Variants in MARVELD1 observed in about 807,000 individuals in gnomAD.
MARVELD1 encodes the protein MARVEL domain-containing protein 1.
In MARVELD1, 7 loss-of-function variants were observed where a neutral mutation model predicts 11.3. That is an observed-to-expected ratio of 0.62 (90% CI 0.35 to 1.16). The LOEUF (loss-of-function observed/expected upper bound fraction) is 1.16. Ranked by LOEUF, MARVELD1 falls within the 50% of genes most tolerant of loss-of-function variation. MARVELD1 has a pLI of 0.02. For synonymous variants in MARVELD1, 119 were observed against 121.4 expected, an observed-to-expected ratio of 0.98 and a Z score of 0.13; for missense variants, 216 against 243.8, an observed-to-expected ratio of 0.89 and a Z score of 0.76.
In MARVELD1 at chr10:97,714,191, G is replaced by A. The variant is rs754167209; in HGVS notation, c.315G>A (p.Ala105=). The A allele has an allele frequency of 2.0e-5, 31 of 1,536,324 alleles. No homozygotes were observed. Among genetic ancestry groups the A allele is most frequent in the Middle Eastern group, 1.7e-4 (1 of 6,002 alleles). Residue 105 remains alanine (A), a synonymous_variant, in exon 1 of 2, where the codon GCG becomes GCA. Coordinates refer to ENST00000285605, the MANE Select transcript of MARVELD1 (RefSeq NM_031484.4). The surrounding 1 kb of genome is among the most constrained non-coding windows in gnomAD (Gnocchi z 7.4). ...LMVNVAHDVL[A]AALYGAATGI... is the part of the protein sequence containing the mutation. ...TCAACGTGGCGCACGATGTGCTGGC[G>A]GCCGCGCTCTACGGCGCCGCCACCG...
chr10:97,714,214 C>T lies in MARVELD1; in HGVS notation c.338C>T (p.Thr113Ile). Residue 113 changes from threonine to isoleucine, a missense_variant, in exon 1 of 2, where the codon ACC becomes ATC. Coordinates refer to ENST00000285605, the MANE Select transcript of MARVELD1 (RefSeq NM_031484.4). The surrounding 1 kb of genome is among the most constrained non-coding windows in gnomAD (Gnocchi z 7.4). Reference protein sequence around the residue: ...VLAAALYGAATGIMSDQMQRH... With the variant: ...VLAAALYGAAIGIMSDQMQRH... ...GCGGCCGCGCTCTACGGCGCCGCCA[C>T]CGGCATCATGAGCGACCAGATGCAG... is the stretch of plus-strand genomic sequence containing the variant. 6.5e-7 allele frequency: 1 copy of T among 1,536,862 alleles called. No individual in the cohort carries two copies.
chr10:97,714,976 G>A lies in MARVELD1; in HGVS notation c.*578G>A, dbSNP rs955136817. 11 of 152,690 alleles carry A rather than the reference G, an allele frequency of 7.2e-5. No homozygotes were observed. Among genetic ancestry groups the A allele is most frequent in the African/African-American group, 2.2e-4 (9 of 41,470 alleles). 9.5% of individuals were successfully genotyped at this position (152,690 alleles called of 1,614,324 possible). A position where few individuals can be genotyped will look rare whatever the true frequency, so the allele number is the denominator to read the frequency against. ...TTTGGTTTTAGCTGGGGATTGTGCT[G>A]GCATCCTGCGAAGCTCCTCCCAGCC... is the stretch of plus-strand genomic sequence containing the variant. On this transcript the variant is annotated 3_prime_UTR_variant, in exon 1 of 2. Transcript: ENST00000285605. The surrounding 1 kb of genome is among the most constrained non-coding windows in gnomAD (Gnocchi z 7.4).
chr10:97,714,068 G>A lies in MARVELD1; in HGVS notation c.192G>A (p.Val64=), dbSNP rs1424587902. ...YQGPVHFALF[V]SVLFWLLTLG... is the part of the protein sequence containing the mutation. ...GCCCCGTGCACTTCGCGCTCTTCGT[G>A]TCCGTGCTCTTCTGGCTGCTCACCC... Residue 64 remains valine (V), a synonymous_variant, in exon 1 of 2, where the codon GTG becomes GTA. Coordinates refer to ENST00000285605, the MANE Select transcript of MARVELD1 (RefSeq NM_031484.4). This position sits in a 1 kb window ranked among gnomAD's most constrained non-coding sequence, Gnocchi z 7.4. 2.0e-6 allele frequency: 3 copies of A among 1,536,894 alleles called. No individual in the cohort carries two copies. Among genetic ancestry groups the A allele is most frequent in the East Asian group, 4.9e-5 (2 of 40,868 alleles).
rs2041904857 is a variant in MARVELD1, at chr10:97,715,393, T to C, written c.*995T>C. The C allele has an allele frequency of 6.6e-6, 1 of 152,156 alleles. No individual in the cohort carries two copies. The highest frequency in any genetic ancestry group is 2.1e-4 in the South Asian group (1 of 4,814). 9.4% of individuals were successfully genotyped at this position (152,156 alleles called of 1,614,324 possible). A position where few individuals can be genotyped will look rare whatever the true frequency, so the allele number is the denominator to read the frequency against. ...ACCCAGACTTGCAGTCCAGCGCTGT[T>C]TGCATTAAAAGGGTGGGTGAGTCAG... On this transcript the variant is annotated 3_prime_UTR_variant, in exon 1 of 2. Transcript: ENST00000285605.
rs888235119 is a variant in MARVELD1 at position 97,714,028 on chromosome 10, C to T, written c.152C>T (p.Thr51Ile). The T allele has an allele frequency of 4.6e-6, 7 of 1,536,530 alleles. No individual in the cohort carries two copies. In the African/African-American group the frequency reaches 8.2e-5, roughly 18 times the overall value. ...GCTGCCTTCTGGATCACTATCGCCA[C>T]CAGCAAGTACCAGGGCCCCGTGCAC... The part of the protein sequence containing the change: ...AGAAFWITIA[T>I]SKYQGPVHFA... The change falls in exon 1 of 2, where the codon ACC becomes ATC. Residue 51 changes from threonine to isoleucine, a missense_variant. Thr to Ile is a moderately conservative substitution (Grantham distance 89). Coordinates refer to ENST00000285605, the MANE Select transcript of MARVELD1 (RefSeq NM_031484.4). This position sits in a 1 kb window ranked among gnomAD's most constrained non-coding sequence, Gnocchi z 7.4.
Position 97,715,889 on chromosome 10 carries a change from C to T in MARVELD1, c.*1491C>T, listed in dbSNP as rs537377179. 1.3e-5 allele frequency: 2 copies of T among 152,346 alleles called. No homozygotes were observed. Among genetic ancestry groups the T allele is most frequent in the African/African-American group, 4.8e-5 (2 of 41,558 alleles). The allele number at this position is 152,346 out of a possible 1,614,324, so 9.4% of individuals were successfully genotyped here. Reference sequence around the variant, plus strand: ...AAGGAAAGTCACCTGCAAGAGATCCCGGCACTGATCTGGAGCAGCTGACAG... The same window carrying T: ...AAGGAAAGTCACCTGCAAGAGATCCTGGCACTGATCTGGAGCAGCTGACAG... On this transcript the variant is annotated 3_prime_UTR_variant, in exon 1 of 2. Coordinates refer to ENST00000285605, the MANE Select transcript of MARVELD1 (RefSeq NM_031484.4).
At position 97,714,359 on chromosome 10, in the gene MARVELD1, C is replaced by T. The variant is rs1313437770; in HGVS notation, c.483C>T (p.Gly161=). The change falls in exon 1 of 2, where the codon GGC becomes GGT. Residue 161 remains glycine, a synonymous_variant. Coordinates refer to ENST00000285605, the MANE Select transcript of MARVELD1 (RefSeq NM_031484.4). The surrounding 1 kb of genome is among the most constrained non-coding windows in gnomAD (Gnocchi z 7.4). ...TCTACCTGCTTTCGGCGCTCTATGG[C>T]TGCGGGCGTCGCTGCCAGGGCAAGC... is the stretch of plus-strand genomic sequence containing the variant. ...HGLYLLSALY[G]CGRRCQGKQE... The T allele has an allele frequency of 1.3e-6, 2 of 1,531,208 alleles. No homozygotes were observed. The highest frequency in any genetic ancestry group is 1.7e-6 in the Non-Finnish European group (2 of 1,144,964). 94.9% of individuals were successfully genotyped at this position (1,531,208 alleles called of 1,614,324 possible). A position where few individuals can be genotyped will look rare whatever the true frequency, so the allele number is the denominator to read the frequency against.
rs1433436388 is a variant in MARVELD1, at chr10:97,714,333, C to G, written c.457C>G (p.Leu153Val). The G allele has an allele frequency of 1.3e-5, 20 of 1,535,582 alleles. No individual in the cohort carries two copies. The highest frequency in any genetic ancestry group is 1.5e-5 in the Non-Finnish European group (17 of 1,146,584). The change falls in exon 1 of 2, where the codon CTC becomes GTC. Residue 153 changes from leucine to valine, a missense_variant. Physicochemically the swap from Leu to Val is conservative, Grantham distance 32. Coordinates refer to ENST00000285605, the MANE Select transcript of MARVELD1 (RefSeq NM_031484.4). This position sits in a 1 kb window ranked among gnomAD's most constrained non-coding sequence, Gnocchi z 7.4. ...AAVCGGVCHG[L>V]YLLSALYGCG... ...CGTCTGCGGCGGCGTCTGCCACGGC[C>G]TCTACCTGCTTTCGGCGCTCTATGG... is the stretch of plus-strand genomic sequence containing the variant.
In MARVELD1 at chr10:97,713,973, G is replaced by T. The variant is rs978705092; in HGVS notation, c.97G>T (p.Val33Leu). Residue 33 changes from valine (V) to leucine (L), a missense_variant, in exon 1 of 2, where the codon GTG becomes TTG. Transcript: ENST00000285605. The surrounding 1 kb of genome is among the most constrained non-coding windows in gnomAD (Gnocchi z 5.7). ...GCCCTTCCTGCGCAGCCCGCTGGGC[G>T]TGTTGCGGCTGCTGCAGCTGCTGGC... The part of the protein sequence containing the change: ...QRPFLRSPLG[V>L]LRLLQLLAGA... 3 of 1,534,304 alleles carry T rather than the reference G, an allele frequency of 2.0e-6. No homozygotes were observed. Among genetic ancestry groups the T allele is most frequent in the South Asian group, 1.2e-5 (1 of 83,916 alleles).
Position 97,714,215 on chromosome 10 carries a change from C to A in MARVELD1, c.339C>A (p.Thr113=), listed in dbSNP as rs999515553. 8 of 1,536,784 alleles carry A rather than the reference C, an allele frequency of 5.2e-6. No individual in the cohort carries two copies. Among genetic ancestry groups the A allele is most frequent in the Non-Finnish European group, 6.1e-6 (7 of 1,146,670 alleles). The change falls in exon 1 of 2, where the codon ACC becomes ACA. Residue 113 remains threonine, a synonymous_variant. Transcript: ENST00000285605. The surrounding 1 kb of genome is among the most constrained non-coding windows in gnomAD (Gnocchi z 7.4). Reference sequence around the variant, plus strand: ...CGGCCGCGCTCTACGGCGCCGCCACCGGCATCATGAGCGACCAGATGCAGC... The same window carrying A: ...CGGCCGCGCTCTACGGCGCCGCCACAGGCATCATGAGCGACCAGATGCAGC... ...VLAAALYGAA[T]GIMSDQMQRH...
At chr10:97,716,309 C>T (rs568975705) in intron 1 of MARVELD1, among the ~76,000 whole-genome samples, 35 of 152,192 alleles carry the variant, frequency 2.3e-4, no homozygotes, top group South Asian at 4.2e-4. Context: ...CTCAGCCTCC[C>T]GGGTAGCTGG....
At position 97,714,458 on chromosome 10, in the gene MARVELD1, C is replaced by G; in HGVS notation, c.*60C>G. 7.9e-7 allele frequency: 1 copy of G among 1,272,714 alleles called. No homozygotes were observed. Among genetic ancestry groups the G allele is most frequent in the Non-Finnish European group, 1.0e-6 (1 of 958,400 alleles). The allele number at this position is 1,272,714 out of a possible 1,614,324, so 78.8% of individuals were successfully genotyped here. A position where few individuals can be genotyped will look rare whatever the true frequency, so the allele number is the denominator to read the frequency against. On this transcript the variant is annotated 3_prime_UTR_variant, in exon 1 of 2. Transcript: ENST00000285605. This position sits in a 1 kb window ranked among gnomAD's most constrained non-coding sequence, Gnocchi z 7.4. ...GGGGGAATCCCCGGAGACCAGCCTC[C>G]TTAATCCCTTCCCCCGCCGCCGCCC... is the stretch of plus-strand genomic sequence containing the variant.
rs1012639452 is a variant in MARVELD1, at chr10:97,713,866, G to C, written c.-11G>C. 7.8e-6 allele frequency: 5 copies of C among 642,648 alleles called. No homozygotes were observed. Among genetic ancestry groups the C allele is most frequent in the Admixed American group, 6.5e-5 (1 of 15,382 alleles). 39.8% of individuals were successfully genotyped at this position (642,648 alleles called of 1,614,324 possible). On this transcript the variant is annotated 5_prime_UTR_variant, in exon 1 of 2. Coordinates refer to ENST00000285605, the MANE Select transcript of MARVELD1 (RefSeq NM_031484.4). This position sits in a 1 kb window ranked among gnomAD's most constrained non-coding sequence, Gnocchi z 5.7. ...GGGGCGCCGCCGCCGCCGCCACCGCGCCCAGGGGCCATGCTCCCGCCGCCC... is the reference window on the plus strand; with the variant it reads ...GGGGCGCCGCCGCCGCCGCCACCGCCCCCAGGGGCCATGCTCCCGCCGCCC...
rs758362024 is a variant in MARVELD1, at chr10:97,714,294, T to C, written c.418T>C (p.Phe140Leu). 1 of 1,536,332 alleles carries C rather than the reference T, an allele frequency of 6.5e-7. No individual in the cohort carries two copies. The highest frequency in any genetic ancestry group is 1.2e-5 in the South Asian group (1 of 84,054). ...DYPLPCAYHAFLAAAVCGGVC... is the reference protein window; with the variant it reads ...DYPLPCAYHALLAAAVCGGVC... ...CCCGCTCCCCTGCGCCTACCACGCC[T>C]TCCTGGCGGCCGCCGTCTGCGGCGG... Residue 140 changes from phenylalanine to leucine, a missense_variant, in exon 1 of 2, where the codon TTC (phenylalanine) becomes CTC (leucine). Phe to Leu is a conservative substitution (Grantham distance 22, BLOSUM62 0). Transcript: ENST00000285605. The surrounding 1 kb of genome is among the most constrained non-coding windows in gnomAD (Gnocchi z 7.4).
At position 97,717,715 on chromosome 10, in the gene MARVELD1, A is replaced by T. The variant is rs2041921209; in HGVS notation, c.*2109A>T. 1 of 152,270 alleles carries T rather than the reference A, an allele frequency of 6.6e-6. No individual in the cohort carries two copies. Among genetic ancestry groups the T allele is most frequent in the Non-Finnish European group, 1.5e-5 (1 of 68,096 alleles). The allele number at this position is 152,270 out of a possible 1,614,324, so 9.4% of individuals were successfully genotyped here. A position where few individuals can be genotyped will look rare whatever the true frequency, so the allele number is the denominator to read the frequency against. ...GCCTCATCCATCCACACGTGCCTGT[A>T]GCATTCCAGAGCTCACTGCCCTTCT... On this transcript the variant is annotated 3_prime_UTR_variant, in exon 2 of 2. Coordinates refer to ENST00000285605, the MANE Select transcript of MARVELD1 (RefSeq NM_031484.4).
intron 1 of MARVELD1, among the ~76,000 whole-genome samples, chr10:97,716,356 T>A (rs2041912352): frequency 6.6e-6 from 1 of 152,020 alleles, no homozygotes; most frequent in African/African-American, 2.4e-5. Context: ...GGCTAGTTTT[T>A]AAATTTTTGT....
rs1188845642 is a variant in MARVELD1, at chr10:97,713,902, C to A, written c.26C>A (p.Pro9Gln). The A allele has an allele frequency of 1.9e-6, 2 of 1,058,696 alleles. No individual in the cohort carries two copies. Among genetic ancestry groups the A allele is most frequent in the Non-Finnish European group, 2.3e-6 (2 of 870,482 alleles). The allele number at this position is 1,058,696 out of a possible 1,614,324, so 65.6% of individuals were successfully genotyped here. A position where few individuals can be genotyped will look rare whatever the true frequency, so the allele number is the denominator to read the frequency against. MLPPPPRQ[P>Q]PPQARAARGA... Reference sequence around the variant, plus strand: ...ATGCTCCCGCCGCCCCCGCGCCAGCCGCCGCCCCAGGCGCGTGCGGCCCGC... The same window carrying A: ...ATGCTCCCGCCGCCCCCGCGCCAGCAGCCGCCCCAGGCGCGTGCGGCCCGC... The change falls in exon 1 of 2, where the codon CCG (proline) becomes CAG (glutamine). Residue 9 changes from proline (P) to glutamine (Q), a missense_variant. Pro to Gln is a moderately conservative substitution (Grantham distance 76). Transcript: ENST00000285605. The surrounding 1 kb of genome is among the most constrained non-coding windows in gnomAD (Gnocchi z 5.7).
chr10:97,713,813 C>A lies in MARVELD1; in HGVS notation c.-64C>A, dbSNP rs1235733482. 1 of 234,386 alleles carries A rather than the reference C, an allele frequency of 4.3e-6. No homozygotes were observed. The highest frequency in any genetic ancestry group is 6.9e-6 in the Non-Finnish European group (1 of 144,398). The allele number at this position is 234,386 out of a possible 1,614,324, so 14.5% of individuals were successfully genotyped here. A position where few individuals can be genotyped will look rare whatever the true frequency, so the allele number is the denominator to read the frequency against. On this transcript the variant is annotated 5_prime_UTR_variant, in exon 1 of 2. Transcript: ENST00000285605. The surrounding 1 kb of genome is among the most constrained non-coding windows in gnomAD (Gnocchi z 5.7). The stretch of plus-strand genomic sequence containing the variant: ...GGGCACCTGGGCCGTGCTGCCCCCG[C>A]GAGCAAGGCGCCGCCATTCCGCTGC...
chr10:97,714,369 C>A lies in MARVELD1; in HGVS notation c.493C>A (p.Arg165Ser). ...LLSALYGCGR[R>S]CQGKQEVA is the part of the protein sequence containing the mutation. ...TTCGGCGCTCTATGGCTGCGGGCGT[C>A]GCTGCCAGGGCAAGCAGGAGGTGGC... The change falls in exon 1 of 2, where the codon CGC becomes AGC. Residue 165 changes from arginine to serine, a missense_variant. Transcript: ENST00000285605. The surrounding 1 kb of genome is among the most constrained non-coding windows in gnomAD (Gnocchi z 7.4). The A allele has an allele frequency of 2.0e-6, 3 of 1,529,838 alleles. No individual in the cohort carries two copies. The highest frequency in any genetic ancestry group is 2.6e-6 in the Non-Finnish European group (3 of 1,144,384). The allele number at this position is 1,529,838 out of a possible 1,614,324, so 94.8% of individuals were successfully genotyped here. A position where few individuals can be genotyped will look rare whatever the true frequency, so the allele number is the denominator to read the frequency against.
Sources: gnomAD v4.1 joint callset for allele counts (sites outside exome capture counted in the v4.1 genomes callset) on GRCh38, gnomAD v4.1.1 for gene constraint, Gnocchi (gnomAD v3.1) non-coding constraint, MANE v1.5 for transcripts, NCBI Gene and HGNC (gene_info 2026-07-23, HGNC 2026-07-21) for gene names.